Variants in CSGALNACT1 observed in about 807,000 individuals in gnomAD.
The protein encoded by CSGALNACT1 is beta4GalNAcT-1.
Under a neutral mutation model 51.0 loss-of-function variants are expected in CSGALNACT1, and 52 were observed. That is an observed-to-expected ratio of 1.02 (90% confidence interval 0.82 to 1.29). The LOEUF is 1.29. Ranked by LOEUF, CSGALNACT1 falls within the 50% of genes most tolerant of loss-of-function variation. The pLI is 0.00. For synonymous variants in CSGALNACT1, 341 were observed against 254.4 expected (o/e 1.34, Z -3.24); for missense variants, 935 against 679.2 (o/e 1.38, Z -4.19).
chr8:19,525,256 C>T lies in CSGALNACT1; in HGVS notation c.-296-19126G>A, dbSNP rs550904487. On this transcript the variant is annotated intron_variant, in intron 3 of 9. Transcript: ENST00000454498. ...GGCTTGCAGAGTTAAAACTAAAACACTCATTGTGGGAGGCATCATTACTGC... is the reference window on the plus strand; with the variant it reads ...GGCTTGCAGAGTTAAAACTAAAACATTCATTGTGGGAGGCATCATTACTGC... Among the ~76,000 whole-genome samples, 21 of 152,180 alleles carry T rather than the reference C, an allele frequency of 1.4e-4. No individual in the cohort carries two copies. The South Asian group carries it at 4.1e-3, about 30-fold the overall frequency.
chr8:19,583,504 G>A (rs1213014301), intron 3 of CSGALNACT1, among the ~76,000 whole-genome samples: 1 of 152,048 alleles, frequency 6.6e-6, no homozygotes, highest in East Asian at 1.9e-4. Flanking sequence ...ATCAGCTTCT[G>A]GCATTAAAAG....
chr8:19,636,695 G>T (rs897092120), intron 1 of CSGALNACT1, among the ~76,000 whole-genome samples: 1 of 152,168 alleles, frequency 6.6e-6, no homozygotes, highest in African/African-American at 2.4e-5. Flanking sequence ...AATGGAGTGA[G>T]AACTTGGTAA....
chr8:19,591,581 A>G (rs1343011594), intron 2 of CSGALNACT1, among the ~76,000 whole-genome samples: 1 of 152,202 alleles, frequency 6.6e-6, no homozygotes, highest in East Asian at 1.9e-4. Flanking sequence ...AAGGAGAGTT[A>G]AAGAATGCTA....
chr8:19,666,465 CG>C (rs2059179260), intron 1 of CSGALNACT1, among the ~76,000 whole-genome samples: 1 of 151,836 alleles, frequency 6.6e-6, no homozygotes, highest in East Asian at 1.9e-4. Flanking sequence ...GAGGCTGAGG[CG>C]GGTGAATCAC....
chr8:19,685,836 T>G (rs1428490541), upstream of CSGALNACT1, among the ~76,000 whole-genome samples: 1 of 152,194 alleles, frequency 6.6e-6, no homozygotes, highest in East Asian at 1.9e-4. Flanking sequence ...GAGGTAGTTT[T>G]GGAGTAAGGA....
At chr8:19,564,900 C>G (rs528297562) in intron 3 of CSGALNACT1, among the ~76,000 whole-genome samples, 1 of 152,298 alleles carries the variant, frequency 6.6e-6, no homozygotes, top group African/African-American at 2.4e-5. Flanking sequence ...GCCAGGCACA[C>G]AGCAGGGATT....
intron 1 of CSGALNACT1, among the ~76,000 whole-genome samples, chr8:19,714,682 C>T (rs964954102): frequency 1.3e-5 from 2 of 151,950 alleles, no homozygotes; most frequent in African/African-American, 4.8e-5. Flanking sequence ...TATTTTAAGC[C>T]CCCTATCAGG....
chr8:19,512,012 C>T (rs867141850), intron 3 of CSGALNACT1, among the ~76,000 whole-genome samples: 1 of 152,210 alleles, frequency 6.6e-6, no homozygotes, highest in Non-Finnish European at 1.5e-5. Flanking sequence ...CCAGGTCCCT[C>T]CCTCAATACT....
intron 5 of CSGALNACT1, among the ~76,000 whole-genome samples, chr8:19,446,852 G>T (rs1460365845): frequency 6.6e-6 from 1 of 151,966 alleles, no homozygotes; most frequent in Non-Finnish European, 1.5e-5. Flanking sequence ...CTCTTTTTAG[G>T]ATGTTTTTTC....
intron 5 of CSGALNACT1, among the ~76,000 whole-genome samples, chr8:19,453,283 A>T (rs575631746): frequency 1.3e-4 from 20 of 152,326 alleles, no homozygotes; most frequent in African/African-American, 4.8e-4. Context: ...ACAGAATAAC[A>T]TTAGCAGGCA....
chr8:19,590,617 C>A (rs1448075964), intron 3 of CSGALNACT1, among the ~76,000 whole-genome samples: 1 of 145,026 alleles, frequency 6.9e-6, no homozygotes, highest in Non-Finnish European at 1.5e-5. Context: ...GACATAAATA[C>A]TCATAGCTGG....
At chr8:19,485,669 C>T (rs1001640450) in intron 4 of CSGALNACT1, among the ~76,000 whole-genome samples, 1 of 151,314 alleles carries the variant, frequency 6.6e-6, no homozygotes, top group Non-Finnish European at 1.5e-5. Flanking sequence ...CTGCTTCCTC[C>T]ATTCCCTTTT....
chr8:19,666,760 G>GAAAGAAGA (rs1554794191), intron 1 of CSGALNACT1, among the ~76,000 whole-genome samples: 2 of 56,590 alleles, frequency 3.5e-5, no homozygotes, highest in African/African-American at 1.6e-4. Flanking sequence ...AAGAAAGAAA[G>GAAAGAAGA]AAGAAAGAAA....
intron 1 of CSGALNACT1, among the ~76,000 whole-genome samples, chr8:19,712,789 G>A (rs927034132): frequency 6.6e-6 from 1 of 152,188 alleles, no homozygotes; most frequent in Non-Finnish European, 1.5e-5. Context: ...CACTGAGGCA[G>A]CTAAAGGCAT....
intron 3 of CSGALNACT1, among the ~76,000 whole-genome samples, chr8:19,527,493 C>T (rs1035994591): frequency 6.6e-6 from 1 of 152,078 alleles, no homozygotes; most frequent in African/African-American, 2.4e-5. Context: ...GGCTACAGTC[C>T]CAGCTACTCC....
chr8:19,678,026 G>C (rs889358112), intron 1 of CSGALNACT1, among the ~76,000 whole-genome samples: 2 of 152,064 alleles, frequency 1.3e-5, no homozygotes, highest in Admixed American at 6.6e-5. Flanking sequence ...TGACATGCTT[G>C]AGCCCAGGAG....
chr8:19,420,617 T>C (rs577773133), intron 6 of CSGALNACT1, 99 bp from the exon 6 acceptor site: 2 of 1,306,610 alleles, frequency 1.5e-6, no homozygotes, highest in Admixed American at 1.7e-5. Flanking sequence ...CTTGACCCAT[T>C]TCTTTTGTAA....
intron 3 of CSGALNACT1, among the ~76,000 whole-genome samples, chr8:19,583,774 C>A (rs2046068306): frequency 1.3e-5 from 2 of 152,312 alleles, no homozygotes; most frequent in South Asian, 2.1e-4. Flanking sequence ...ACAAAGCCTG[C>A]ACTTTGGGGT....
At chr8:19,676,044 C>T (rs1442901275) in intron 1 of CSGALNACT1, among the ~76,000 whole-genome samples, 3 of 146,012 alleles carry the variant, frequency 2.1e-5, no homozygotes. Context: ...GAACTACTTG[C>T]AGCCTGAACC....
Sources: allele counts gnomAD v4.1 joint callset (sites outside exome capture counted in the v4.1 genomes callset), GRCh38; gene constraint gnomAD v4.1.1; transcripts MANE v1.5; gene names NCBI Gene and HGNC (gene_info 2026-07-23, HGNC 2026-07-21).